The following SRRM4 variants were observed in gnomAD, a reference collection of about 807,000 sequenced individuals.
SRRM4 encodes the protein serine/arginine repetitive matrix protein 4.
Under a neutral mutation model 68.9 loss-of-function variants are expected in SRRM4, and 33 were observed. That is an observed-to-expected ratio of 0.48 (90% CI 0.36 to 0.64). SRRM4 has a LOEUF of 0.64. SRRM4 is among the 30% of genes least tolerant of loss of function. The probability of loss-of-function intolerance (pLI) is 0.00; values close to 1 mark genes in which losing one functional copy is unlikely to be tolerated. For synonymous variants in SRRM4, 318 were observed against 318.8 expected (o/e 1.00, Z 0.03); for missense variants, 817 against 827.1 (o/e 0.99, Z 0.15).
chr12:119,118,564 A>G (rs1954196468), intron 4 of SRRM4, among the ~76,000 whole-genome samples: 1 of 152,246 alleles, frequency 6.6e-6, no homozygotes, highest in African/African-American at 2.4e-5. Context: ...ACTACAAGGC[A>G]TGGGCAAACT....
At chr12:119,053,088 A>G (rs148466543) in intron 1 of SRRM4, among the ~76,000 whole-genome samples, 9 of 152,304 alleles carry the variant, frequency 5.9e-5, no homozygotes, top group African/African-American at 1.2e-4. Context: ...GTTTGGGGCT[A>G]CTATGTTTTT....
At chr12:119,146,315 G>A (rs933692498) in intron 9 of SRRM4, among the ~76,000 whole-genome samples, 12 of 152,184 alleles carry the variant, frequency 7.9e-5, no homozygotes, top group African/African-American at 2.9e-4. Context: ...GACCAGGCGT[G>A]GTGGCTCACA....
intron 8 of SRRM4, among the ~76,000 whole-genome samples, chr12:119,142,014 G>A (rs933636127): frequency 6.6e-6 from 1 of 152,218 alleles, no homozygotes; most frequent in Non-Finnish European, 1.5e-5. Flanking sequence ...ATTCTAGGCA[G>A]AGGAAATGGC....
intron 1 of SRRM4, among the ~76,000 whole-genome samples, chr12:119,076,440 G>C (rs975179092): frequency 1.3e-5 from 2 of 152,194 alleles, no homozygotes; most frequent in African/African-American, 4.8e-5. Flanking sequence ...CCTGCATTCA[G>C]ACACAGGATG....
At position 119,156,707 on chromosome 12, in the gene SRRM4, G is replaced by C. The variant is rs140426282; in HGVS notation, c.1745G>C (p.Arg582Pro). The C allele has an allele frequency of 0.015, 23,114 of 1,549,092 alleles. 206 individuals are homozygous for C. The highest frequency in any genetic ancestry group is 0.02 in the Admixed American group (1,004 of 51,058). The change falls in exon 13 of 13, where the codon CGG becomes CCG. Residue 582 changes from arginine to proline, a missense_variant. By Grantham distance (103) the Arg-to-Pro change is moderately radical. Coordinates refer to ENST00000267260, the MANE Select transcript of SRRM4 (RefSeq NM_194286.4). ...SRSPSPGSRS[R>P]SRSRSRSRSR... ...AGCCCTAGTCCGGGCTCCCGCAGCC[G>C]GAGCCGGAGCAGGAGCCGGAGCCGG...
In SRRM4 at chr12:119,120,351, C is replaced by A. The variant is rs374366018; in HGVS notation, c.464+75C>A. 40 of 1,481,636 alleles carry A rather than the reference C, an allele frequency of 2.7e-5. No individual in the cohort carries two copies. The African/African-American group carries it at 5.4e-4, about 20-fold the overall frequency. The allele number at this position is 1,481,636 out of a possible 1,614,324, so 91.8% of individuals were successfully genotyped here. ...CAGCTTGGGGCAGCTTCTAGGTCAGCCCTCAGTTTCCATCTGTGCTCTTAG... is the reference window on the plus strand; with the variant it reads ...CAGCTTGGGGCAGCTTCTAGGTCAGACCTCAGTTTCCATCTGTGCTCTTAG... On this transcript the variant is annotated intron_variant, in intron 5 of 12. Transcript: ENST00000267260.
intron 1 of SRRM4, among the ~76,000 whole-genome samples, chr12:118,997,580 C>A (rs1013148980): frequency 1.3e-5 from 2 of 152,174 alleles, no homozygotes; most frequent in African/African-American, 2.4e-5. Flanking sequence ...TCCCTAAGGG[C>A]TTTGACTTTT....
rs1391778652 is a variant in SRRM4, at chr12:119,101,221, T to C, written c.132-1015T>C. On this transcript the variant is annotated intron_variant, in intron 1 of 12. Transcript: ENST00000267260. Reference sequence around the variant, plus strand: ...AGCAGGGAGGGATGTTCTCTGCGTGTCACCAAATACGCCTGTGACTCTCAA... The same window carrying C: ...AGCAGGGAGGGATGTTCTCTGCGTGCCACCAAATACGCCTGTGACTCTCAA... 3.9e-5 allele frequency among the ~76,000 whole-genome samples: 6 copies of C among 152,244 alleles called. No homozygotes were observed. In the East Asian group the frequency reaches 1.2e-3, roughly 29 times the overall value.
At chr12:119,042,248 G>A (rs1338837664) in intron 1 of SRRM4, among the ~76,000 whole-genome samples, 1 of 151,846 alleles carries the variant, frequency 6.6e-6, no homozygotes, top group Non-Finnish European at 1.5e-5. Context: ...GTACAGTGAG[G>A]TGGGTGGGCT....
rs1954490333 is a variant in SRRM4, at chr12:119,158,843, C to T, written c.*2045C>T. The T allele has an allele frequency of 6.6e-6, 1 of 152,642 alleles. No individual in the cohort carries two copies. The highest frequency in any genetic ancestry group is 2.4e-5 in the African/African-American group (1 of 41,446). 9.5% of individuals were successfully genotyped at this position (152,642 alleles called of 1,614,324 possible). A position where few individuals can be genotyped will look rare whatever the true frequency, so the allele number is the denominator to read the frequency against. ...CTTCATCAAGACAACTCTAGGGGAC[C>T]ATTTTGCCTGGGGCTCCTAGCAAAC... On this transcript the variant is annotated 3_prime_UTR_variant, in exon 13 of 13. Coordinates refer to ENST00000267260, the MANE Select transcript of SRRM4 (RefSeq NM_194286.4).
intron 1 of SRRM4, among the ~76,000 whole-genome samples, chr12:119,095,138 A>G (rs1592895987): frequency 6.6e-6 from 1 of 152,292 alleles, no homozygotes; most frequent in African/African-American, 2.4e-5. Flanking sequence ...AATGAACTGG[A>G]TTCACCTTGA....
intron 7 of SRRM4, 94 bp downstream of exon 7, chr12:119,125,573 C>A: frequency 2.8e-6 from 3 of 1,088,846 alleles, no homozygotes; most frequent in Non-Finnish European, 4.0e-6. Flanking sequence ...ACTTCCAGCA[C>A]AGGGTTTGGC....
intron 1 of SRRM4, among the ~76,000 whole-genome samples, chr12:118,988,741 C>T (rs1953298478): frequency 6.6e-6 from 1 of 152,062 alleles, no homozygotes; most frequent in Non-Finnish European, 1.5e-5. Flanking sequence ...CTCCCTGTTC[C>T]CGTGGAGGAG....
chr12:119,088,589 C>T (rs1399802791), intron 1 of SRRM4, among the ~76,000 whole-genome samples: 2 of 151,196 alleles, frequency 1.3e-5, no homozygotes, highest in South Asian at 2.1e-4. Flanking sequence ...GGACTTTGCC[C>T]AAGGCCACCA....
At chr12:119,121,920 T>C in intron 5 of SRRM4, 150 bp from the exon 6 acceptor site, 2 of 638,264 alleles carry the variant, frequency 3.1e-6, no homozygotes, top group Non-Finnish European at 5.7e-6. Context: ...TGCATGAAAA[T>C]GTTGGCAGTG....
At chr12:119,093,142 TC>T (rs1201891057) in intron 1 of SRRM4, among the ~76,000 whole-genome samples, 2 of 151,536 alleles carry the variant, frequency 1.3e-5, no homozygotes, top group Non-Finnish European at 2.9e-5. Flanking sequence ...GTATTCCATC[TC>T]CCCCCTAGCA....
intron 1 of SRRM4, among the ~76,000 whole-genome samples, chr12:118,989,357 G>A (rs1002158121): frequency 6.6e-6 from 1 of 152,160 alleles, no homozygotes; most frequent in Admixed American, 6.5e-5. Context: ...ATGCTGTTTA[G>A]ACTTCCAAAT....
At chr12:119,107,104 G>T (rs1284751437) in intron 2 of SRRM4, among the ~76,000 whole-genome samples, 2 of 152,156 alleles carry the variant, frequency 1.3e-5, no homozygotes, top group Non-Finnish European at 2.9e-5. Flanking sequence ...TTATATGATG[G>T]ATTACATTTA....
At chr12:119,007,465 TG>T (rs999160518) in intron 1 of SRRM4, among the ~76,000 whole-genome samples, 4 of 152,224 alleles carry the variant, frequency 2.6e-5, no homozygotes, top group African/African-American at 9.6e-5. Flanking sequence ...ATGTTGGACA[TG>T]TTTTTTTTAT....
Sources: allele counts gnomAD v4.1 joint callset (sites outside exome capture counted in the v4.1 genomes callset), GRCh38; gene constraint gnomAD v4.1.1; transcripts MANE v1.5; gene names NCBI Gene and HGNC (gene_info 2026-07-23, HGNC 2026-07-21).